The following SORCS1 variants were observed in gnomAD, a reference collection of about 807,000 sequenced individuals.
SORCS1 encodes VPS10 domain-containing receptor SorCS1.
In SORCS1, 60 loss-of-function variants were observed where a neutral mutation model predicts 146.1. The observed-to-expected ratio is 0.41, with a 90% CI of 0.33 to 0.51. SORCS1 has a LOEUF of 0.51. Ranked by LOEUF, SORCS1 falls within the 20% of genes least tolerant of loss-of-function variation. SORCS1 has a pLI of 0.21. For missense variants in SORCS1, 1,352 were observed against 1,487.6 expected, an observed-to-expected ratio of 0.91 and a Z score of 1.50; for synonymous variants, 637 against 584.0, an observed-to-expected ratio of 1.09 and a Z score of -1.31.
Position 107,128,400 on chromosome 10 carries a change from A to G in SORCS1, c.558+35569T>C, listed in dbSNP as rs1966828266. Among the ~76,000 whole-genome samples the G allele has an allele frequency of 2.0e-5, 3 of 152,304 alleles. No homozygotes were observed. The South Asian group carries it at 6.2e-4, about 32-fold the overall frequency. On this transcript the variant is annotated intron_variant, in intron 1 of 25. Transcript: ENST00000263054. ...AGTGACCTTTCACAGTCGCTGGGCA[A>G]GGAGGAAAGGCAGAAGGGGCAATAG...
intron 2 of SORCS1, among the ~76,000 whole-genome samples, chr10:106,850,342 C>T (rs541192422): frequency 1.2e-4 from 19 of 152,136 alleles, no homozygotes; most frequent in South Asian, 4.2e-4. Context: ...GGGAGTGACC[C>T]GATTTTCCAG....
At chr10:107,090,522 T>TA (rs1345719184) in intron 1 of SORCS1, among the ~76,000 whole-genome samples, 1 of 152,088 alleles carries the variant, frequency 6.6e-6, no homozygotes, top group Non-Finnish European at 1.5e-5. Context: ...CTGATAACAA[T>TA]AAAAACCATT....
intron 1 of SORCS1, among the ~76,000 whole-genome samples, chr10:107,027,035 A>AAATATATATAT (rs1958437901): frequency 1.6e-5 from 1 of 63,862 alleles, no homozygotes; most frequent in African/African-American, 5.4e-5. Flanking sequence ...TATATATATA[A>AAATATATATAT]AAATATATAT....
chr10:106,670,875 G>T (rs1387065176), intron 16 of SORCS1, among the ~76,000 whole-genome samples: 2 of 151,782 alleles, frequency 1.3e-5, no homozygotes, highest in Non-Finnish European at 2.9e-5. Context: ...TCTATTTTTA[G>T]TAGGGACGGG....
chr10:107,170,568 G>T, the SORCS1 span, among the ~76,000 whole-genome samples: 1 of 152,180 alleles, frequency 6.6e-6, no homozygotes, highest in Non-Finnish European at 1.5e-5. Context: ...TATTCCAGCA[G>T]AATACAACTC....
In SORCS1 at chr10:106,618,271, G is replaced by C. The variant is rs1462768503; in HGVS notation, c.2798C>G (p.Pro933Arg). The stretch of plus-strand genomic sequence containing the variant: ...TATGCTTCCCTCCAAGGTGATCAAA[G>C]GCTAAAATAAACAAGGGCCCAGAGT... ...YVWWYGNNTE[P>R]LITLEGSISF... The change falls in exon 21 of 26, where the codon CCT (proline) becomes CGT (arginine). Residue 933 changes from proline (P) to arginine (R), a missense_variant and splice_region_variant. Transcript: ENST00000263054. 1.2e-6 allele frequency: 2 copies of C among 1,613,634 alleles called. No individual in the cohort carries two copies. The highest frequency in any genetic ancestry group is 1.1e-5 in the South Asian group (1 of 91,056).
rs1454417694 is a variant in SORCS1 at position 107,023,715 on chromosome 10, A to T, written c.559-67135T>A. Among the ~76,000 whole-genome samples, 8 of 152,288 alleles carry T rather than the reference A, an allele frequency of 5.3e-5. No individual in the cohort carries two copies. The East Asian group carries it at 1.5e-3, about 29-fold the overall frequency. Reference sequence around the variant, plus strand: ...AAGGTCATGGAACCTCAGTCAAGCAAGGAAAAATAGAGGAATTTGCTGTTA... The same window carrying T: ...AAGGTCATGGAACCTCAGTCAAGCATGGAAAAATAGAGGAATTTGCTGTTA... On this transcript the variant is annotated intron_variant, in intron 1 of 25. Coordinates refer to ENST00000263054, the MANE Select transcript of SORCS1 (RefSeq NM_052918.5).
At chr10:107,097,010 T>C (rs555318911) in intron 1 of SORCS1, among the ~76,000 whole-genome samples, 7 of 152,368 alleles carry the variant, frequency 4.6e-5, no homozygotes, top group African/African-American at 7.2e-5. Context: ...CAACAATTAA[T>C]GTGCTTTAAG....
Position 106,860,911 on chromosome 10 carries a change from G to C in SORCS1, c.627-31238C>G, listed in dbSNP as rs113079107. 8.2e-3 allele frequency among the ~76,000 whole-genome samples: 1,251 copies of C among 152,146 alleles called. 21 individuals carry two copies. The highest frequency in any genetic ancestry group is 0.029 in the African/African-American group (1,196 of 41,502). ...AGTTCAACTGTATTAAAGGTAACAG[G>C]GATTACTGCAGACTTCCCCCCAGTT... is the stretch of plus-strand genomic sequence containing the variant. On this transcript the variant is annotated intron_variant, in intron 2 of 25. Transcript: ENST00000263054.
intron 2 of SORCS1, among the ~76,000 whole-genome samples, chr10:106,888,606 G>A (rs118182188): frequency 9.3e-4 from 142 of 152,292 alleles, no homozygotes; most frequent in Non-Finnish European, 1.4e-3. Context: ...TAGTAATAAC[G>A]TGCCTTGTTG....
intron 1 of SORCS1, among the ~76,000 whole-genome samples, chr10:106,972,505 C>A (rs1159545954): frequency 2.0e-5 from 3 of 151,716 alleles, no homozygotes; most frequent in South Asian, 2.1e-4. Flanking sequence ...CTCAACTATC[C>A]TTTACAGCAA....
chr10:106,896,570 A>T (rs1032774547), intron 2 of SORCS1, among the ~76,000 whole-genome samples: 1 of 152,030 alleles, frequency 6.6e-6, no homozygotes, highest in African/African-American at 2.4e-5. Context: ...CTTCAAAACA[A>T]TGTGAATATA....
chr10:107,069,655 C>T (rs1564998087), intron 1 of SORCS1, among the ~76,000 whole-genome samples: 2 of 152,246 alleles, frequency 1.3e-5, no homozygotes, highest in East Asian at 3.9e-4. Flanking sequence ...GGATTACAGG[C>T]GTGAGCCACC....
intron 1 of SORCS1, among the ~76,000 whole-genome samples, chr10:107,098,672 A>G (rs1462372324): frequency 6.6e-6 from 1 of 152,194 alleles, no homozygotes; most frequent in Admixed American, 6.5e-5. Flanking sequence ...ACAATTTTGG[A>G]ATGACTTCTT....
intron 6 of SORCS1, among the ~76,000 whole-genome samples, chr10:106,724,514 AC>A (rs1176845495): frequency 6.6e-6 from 1 of 151,888 alleles, no homozygotes; most frequent in African/African-American, 2.4e-5. Context: ...AGAAAAAAAA[AC>A]AAAATAAAAT....
At chr10:106,706,447 G>T in intron 8 of SORCS1, 98 bp downstream of exon 8, 2 of 1,163,556 alleles carry the variant, frequency 1.7e-6, no homozygotes, top group Non-Finnish European at 2.5e-6. Flanking sequence ...AAGAAAACAT[G>T]ACTATGAGAG....
Position 107,164,588 on chromosome 10 carries a change from C to A in SORCS1, c.-62G>T. 1.6e-6 allele frequency: 2 copies of A among 1,274,216 alleles called. No individual in the cohort carries two copies. The highest frequency in any genetic ancestry group is 2.0e-6 in the Non-Finnish European group (2 of 1,003,186). 78.9% of individuals were successfully genotyped at this position (1,274,216 alleles called of 1,614,324 possible). ...AACGAAGGTGGCGGCACGAGCTCTG[C>A]GCTGGCGGCTGTGGGGGGCCGGCGC... On this transcript the variant is annotated 5_prime_UTR_variant, in exon 1 of 26. Transcript: ENST00000263054. The surrounding 1 kb of genome is among the most constrained non-coding windows in gnomAD (Gnocchi z 6.8).
chr10:107,081,152 T>G (rs1022820875), intron 1 of SORCS1, among the ~76,000 whole-genome samples: 17 of 152,130 alleles, frequency 1.1e-4, no homozygotes, highest in Admixed American at 6.5e-5. Flanking sequence ...TGCTGAACTA[T>G]CTCTTTAATC....
At chr10:106,777,838 G>A (rs918593723) in intron 3 of SORCS1, among the ~76,000 whole-genome samples, 3 of 152,252 alleles carry the variant, frequency 2.0e-5, no homozygotes, top group East Asian at 1.9e-4. Flanking sequence ...AATGCTACCC[G>A]TTGACCTCTT....
Sources: gnomAD v4.1 joint callset for allele counts (sites outside exome capture counted in the v4.1 genomes callset) on GRCh38, gnomAD v4.1.1 for gene constraint, Gnocchi (gnomAD v3.1) non-coding constraint, MANE v1.5 for transcripts, NCBI Gene and HGNC (gene_info 2026-07-23, HGNC 2026-07-21) for gene names.